ADAM9: variants seen among roughly 807,000 people sequenced by gnomAD.
ADAM9 encodes disintegrin and metalloproteinase domain-containing protein 9.
Under a neutral mutation model 108.1 loss-of-function variants are expected in ADAM9, and 54 were observed. The observed-to-expected ratio is 0.50, with a 90% CI of 0.40 to 0.63. The LOEUF is 0.63. ADAM9 is among the 20% of genes least tolerant of loss of function. The probability of loss-of-function intolerance (pLI) is 0.00; values close to 1 mark genes in which losing one functional copy is unlikely to be tolerated. For missense variants in ADAM9, 830 were observed against 997.7 expected (o/e 0.83, Z 2.26); for synonymous variants, 316 against 336.0 (o/e 0.94, Z 0.65).
chr8:39,068,715 G>C (rs1047994290), intron 14 of ADAM9, among the ~76,000 whole-genome samples: 13 of 52,208 alleles, frequency 2.5e-4, no homozygotes, highest in Non-Finnish European at 3.4e-4. Context: ...AAAAAAAAAA[G>C]ACCTGACTGT....
At chr8:39,026,532 T>G (rs1836928462) in intron 10 of ADAM9, 145 bp from the exon 11 acceptor site, 8 of 1,002,508 alleles carry the variant, frequency 8.0e-6, no homozygotes, top group Non-Finnish European at 1.2e-5. Flanking sequence ...CTGAAATGTA[T>G]AAAGACTGTT....
chr8:39,065,561 G>GTT (rs903033435), intron 14 of ADAM9, among the ~76,000 whole-genome samples: 4 of 150,448 alleles, frequency 2.7e-5, no homozygotes, highest in Admixed American at 6.7e-5. Flanking sequence ...TCGGGAGGCT[G>GTT]AGGCAGGAGA....
intron 15 of ADAM9, among the ~76,000 whole-genome samples, chr8:39,073,935 G>A (rs910877312): frequency 3.9e-5 from 6 of 152,136 alleles, no homozygotes; most frequent in African/African-American, 1.2e-4. Context: ...ACATCTCTGA[G>A]TCTTTGGACA....
intron 1 of ADAM9, among the ~76,000 whole-genome samples, chr8:39,004,514 C>T (rs1048272774): frequency 6.6e-6 from 1 of 152,100 alleles, no homozygotes; most frequent in African/African-American, 2.4e-5. Context: ...CATGCCTGGC[C>T]AGCATATGTA....
intron 12 of ADAM9, among the ~76,000 whole-genome samples, chr8:39,048,413 A>G (rs549498085): frequency 2.0e-5 from 3 of 151,990 alleles, no homozygotes; most frequent in Non-Finnish European, 4.4e-5. Flanking sequence ...TCTAATTGCT[A>G]GTTTCATCCA....
chr8:39,029,189 T>G (rs912563512), intron 11 of ADAM9, among the ~76,000 whole-genome samples: 2 of 148,924 alleles, frequency 1.3e-5, no homozygotes, highest in African/African-American at 5.0e-5. Context: ...ATACAGTAGA[T>G]AGAAAGGGAG....
intron 20 of ADAM9, among the ~76,000 whole-genome samples, chr8:39,095,695 CCTAT>C (rs1056946059): frequency 2.0e-5 from 3 of 152,096 alleles, no homozygotes; most frequent in African/African-American, 7.2e-5. Flanking sequence ...GTCTGGATGA[CCTAT>C]CTGTTGTTGA....
chr8:39,095,170 C>G (rs747013481), intron 20 of ADAM9, among the ~76,000 whole-genome samples: 1 of 152,050 alleles, frequency 6.6e-6, no homozygotes, highest in South Asian at 2.1e-4. Context: ...GTTCCAGGAC[C>G]CCTACATATA....
At chr8:39,067,145 G>A (rs1838506287) in intron 14 of ADAM9, among the ~76,000 whole-genome samples, 1 of 152,150 alleles carries the variant, frequency 6.6e-6, no homozygotes, top group Non-Finnish European at 1.5e-5. Flanking sequence ...TGCTATTTTG[G>A]TTACTGTGGC....
intron 11 of ADAM9, among the ~76,000 whole-genome samples, chr8:39,030,219 AT>A (rs1206726884): frequency 6.6e-6 from 1 of 152,070 alleles, no homozygotes; most frequent in Admixed American, 6.6e-5. Context: ...GAGTATTTCC[AT>A]TGCCTTAAAA....
chr8:39,011,784 G>A, intron 3 of ADAM9, 68 bp downstream of exon 3: 1 of 1,406,518 alleles, frequency 7.1e-7, no homozygotes, highest in Non-Finnish European at 1.0e-6. Flanking sequence ...TTTCTTTCTA[G>A]TTTGATATGG....
In ADAM9 at chr8:39,104,661, A is replaced by G. The variant is rs1330829372; in HGVS notation, c.*961A>G. 1 of 451,918 alleles carries G rather than the reference A, an allele frequency of 2.2e-6. No individual in the cohort carries two copies. The highest frequency in any genetic ancestry group is 4.4e-6 in the Non-Finnish European group (1 of 226,026). The allele number at this position is 451,918 out of a possible 1,614,324, so 28.0% of individuals were successfully genotyped here. A position where few individuals can be genotyped will look rare whatever the true frequency, so the allele number is the denominator to read the frequency against. ...ATCATTTAGAATGTTTACATTTACT[A>G]AGGTGTGCTGGGTCATGTAAAATAT... On this transcript the variant is annotated 3_prime_UTR_variant, in exon 22 of 22. Coordinates refer to ENST00000487273, the MANE Select transcript of ADAM9 (RefSeq NM_003816.3).
At chr8:39,089,904 T>C (rs1839294187) in intron 18 of ADAM9, 143 bp from the exon 19 acceptor site, 1 of 907,352 alleles carries the variant, frequency 1.1e-6, no homozygotes, top group African/African-American at 1.7e-5. Context: ...GAATGAACTT[T>C]GTGGAAGACT....
chr8:39,075,242 A>AT, intron 15 of ADAM9, among the ~76,000 whole-genome samples: 1 of 152,194 alleles, frequency 6.6e-6, no homozygotes, highest in African/African-American at 2.4e-5. Context: ...CAGGTTAAAT[A>AT]TTTTTGGCGA....
chr8:39,090,132 C>T lies in ADAM9; in HGVS notation c.2154C>T (p.Ile718=). The change falls in exon 19 of 22, where the codon ATC becomes ATT. Residue 718 remains isoleucine, a synonymous_variant. Coordinates refer to ENST00000487273, the MANE Select transcript of ADAM9 (RefSeq NM_003816.3). ...PLIVCAIFIF[I]KRDQLWRSYF... Reference sequence around the variant, plus strand: ...TTGTCTGTGCTATTTTTATCTTCATCAAGAGGGATCAACTGTGGAGAAGCT... The same window carrying T: ...TTGTCTGTGCTATTTTTATCTTCATTAAGAGGGATCAACTGTGGAGAAGCT... 1 of 1,613,814 alleles carries T rather than the reference C, an allele frequency of 6.2e-7. No homozygotes were observed. The highest frequency in any genetic ancestry group is 1.3e-5 in the African/African-American group (1 of 74,992).
intron 12 of ADAM9, among the ~76,000 whole-genome samples, chr8:39,048,692 G>A (rs1450054183): frequency 6.6e-6 from 1 of 152,102 alleles, no homozygotes; most frequent in Non-Finnish European, 1.5e-5. Flanking sequence ...TACTATTATT[G>A]TGTTGCTGTC....
At chr8:39,023,430 A>G (rs1564257257) in intron 9 of ADAM9, 105 bp downstream of exon 9, 9 of 1,257,480 alleles carry the variant, frequency 7.2e-6, no homozygotes, top group Non-Finnish European at 8.7e-6. Context: ...TGGGGTATTC[A>G]TTTAAATGAG....
intron 20 of ADAM9, among the ~76,000 whole-genome samples, chr8:39,099,564 C>A (rs1442604479): frequency 6.6e-6 from 1 of 152,018 alleles, no homozygotes; most frequent in East Asian, 1.9e-4. Context: ...TGTTTCCAGT[C>A]TTATACCATA....
At chr8:39,045,487 T>A in intron 12 of ADAM9, among the ~76,000 whole-genome samples, 1 of 149,632 alleles carries the variant, frequency 6.7e-6, no homozygotes, top group Admixed American at 6.6e-5. Context: ...CACCTATATG[T>A]GCGTGTGTAT....
Sources: gnomAD v4.1 joint callset for allele counts (sites outside exome capture counted in the v4.1 genomes callset) on GRCh38, gnomAD v4.1.1 for gene constraint, MANE v1.5 for transcripts, NCBI Gene and HGNC (gene_info 2026-07-23, HGNC 2026-07-21) for gene names.